ABCA9: variants seen among roughly 807,000 people sequenced by gnomAD.
ABCA9 encodes ATP binding cassette subfamily A member 9, also known as ATP-binding cassette sub-family A member 9.
In ABCA9, 183 loss-of-function variants were observed where a neutral mutation model predicts 205.3. That is an observed-to-expected ratio of 0.89 (90% CI 0.79 to 1.01). The LOEUF is 1.01. Ranked by LOEUF, ABCA9 falls within the 50% of genes least tolerant of loss-of-function variation. The pLI is 0.00. For missense variants in ABCA9, 1,805 were observed against 1,912.4 expected (o/e 0.94, Z 1.05); for synonymous variants, 651 against 683.3 (o/e 0.95, Z 0.74).
intron 26 of ABCA9, among the ~76,000 whole-genome samples, chr17:68,994,964 TCTC>T (rs2069568928): frequency 6.6e-6 from 1 of 152,154 alleles, no homozygotes; most frequent in Admixed American, 6.5e-5. Flanking sequence ...TTTTGCCACA[TCTC>T]CTAGAAATAT....
At position 69,026,995 on chromosome 17, in the gene ABCA9, A is replaced by G. The variant is rs553362939; in HGVS notation, c.2031T>C (p.Asp677=). The G allele has an allele frequency of 5.6e-6, 9 of 1,614,074 alleles. No homozygotes were observed. The highest frequency in any genetic ancestry group is 2.2e-5 in the South Asian group (2 of 91,064). ...RVILFSTQFI[D]EADILADRKV... ...AATTACCCGCCAGAATGTCAGCCTC[A>G]TCTATAAACTGGGTGCTGAAGAGAA... Residue 677 remains aspartate, a synonymous_variant, in exon 15 of 39, where the codon GAT becomes GAC. Coordinates refer to ENST00000340001, the MANE Select transcript of ABCA9 (RefSeq NM_080283.4).
rs2068872707 is a variant in ABCA9, at chr17:68,975,594, A to G, written c.*321T>C. 1.1e-5 allele frequency: 2 copies of G among 187,680 alleles called. No homozygotes were observed. Among genetic ancestry groups the G allele is most frequent in the African/African-American group, 4.7e-5 (2 of 42,736 alleles). The allele number at this position is 187,680 out of a possible 1,614,324, so 11.6% of individuals were successfully genotyped here. ...ATATTTAATATTTTGAAGTTCAGAGAAAGAAAATTAAGCATTCTCCATGAC... is the reference window on the plus strand; with the variant it reads ...ATATTTAATATTTTGAAGTTCAGAGGAAGAAAATTAAGCATTCTCCATGAC... On this transcript the variant is annotated 3_prime_UTR_variant, in exon 39 of 39. Coordinates refer to ENST00000340001, the MANE Select transcript of ABCA9 (RefSeq NM_080283.4).
intron 9 of ABCA9, 103 bp downstream of exon 9, chr17:69,033,623 T>G (rs1468111525): frequency 2.0e-6 from 2 of 1,023,602 alleles, no homozygotes; most frequent in Non-Finnish European, 2.8e-6. Flanking sequence ...TTGTAGAAAT[T>G]TTGAAAAACT....
chr17:69,038,328 G>A (rs1443307890), intron 6 of ABCA9, among the ~76,000 whole-genome samples: 1 of 152,130 alleles, frequency 6.6e-6, no homozygotes, highest in East Asian at 1.9e-4. Context: ...ATAAAATACT[G>A]GCAAACGGAA....
chr17:69,033,274 TCCA>T (rs1291030928), intron 9 of ABCA9: 1 of 114,944 alleles, frequency 8.7e-6, no homozygotes, highest in Non-Finnish European at 1.6e-5. Flanking sequence ...GCCACTGCAC[TCCA>T]GCATGGGTGA....
chr17:69,026,867 G>T, intron 15 of ABCA9, 109 bp downstream of exon 15: 1 of 1,363,354 alleles, frequency 7.3e-7, no homozygotes, highest in Non-Finnish European at 1.0e-6. Context: ...AAATTCTCCT[G>T]TCTTGGGCCA....
chr17:69,027,040 C>T lies in ABCA9; in HGVS notation c.1986G>A (p.Glu662=). Residue 662 remains glutamate, a synonymous_variant, in exon 15 of 39, where the codon GAG becomes GAA. Transcript: ENST00000340001. ...SRHRIWNLLK[E]GKSDRVILFS... The stretch of plus-strand genomic sequence containing the variant: ...AGAGAATTACTCTGTCTGATTTCCC[C>T]TCTTTCAGGAGATTCCATATTCGGT... 6.2e-7 allele frequency: 1 copy of T among 1,614,170 alleles called. No homozygotes were observed. The highest frequency in any genetic ancestry group is 1.1e-5 in the South Asian group (1 of 91,088).
intron 26 of ABCA9, among the ~76,000 whole-genome samples, chr17:68,994,896 A>G (rs2069567289): frequency 6.6e-6 from 1 of 152,102 alleles, no homozygotes; most frequent in Non-Finnish European, 1.5e-5. Flanking sequence ...TTTCCTTCTT[A>G]GCACAGACAA....
In ABCA9 at chr17:69,021,262, C is replaced by T. The variant is rs2070798611; in HGVS notation, c.2401+480G>A. 2.0e-5 allele frequency among the ~76,000 whole-genome samples: 3 copies of T among 151,728 alleles called. No homozygotes were observed. In the South Asian group the frequency reaches 6.2e-4, roughly 32 times the overall value. On this transcript the variant is annotated intron_variant, in intron 18 of 38. Transcript: ENST00000340001. The stretch of plus-strand genomic sequence containing the variant: ...AAAGAGCACAGTAAAGAGTAAACAC[C>T]ATAAGATGATAGTGAACCAGTAAAA...
intron 25 of ABCA9, among the ~76,000 whole-genome samples, chr17:69,003,916 C>T (rs1208318567): frequency 6.6e-6 from 1 of 152,156 alleles, no homozygotes; most frequent in East Asian, 1.9e-4. Flanking sequence ...ACGTGGGCTC[C>T]TGAGGCTTCT....
chr17:69,010,144 G>T (rs2070318347), intron 23 of ABCA9, among the ~76,000 whole-genome samples: 1 of 147,494 alleles, frequency 6.8e-6, no homozygotes, highest in African/African-American at 2.5e-5. Flanking sequence ...TGCTGATGAT[G>T]TTTATTCCTA....
chr17:68,988,951 A>G lies in ABCA9; in HGVS notation c.4047+76T>C, dbSNP rs1199987027. 5.7e-6 allele frequency: 5 copies of G among 880,478 alleles called. No homozygotes were observed. In the East Asian group the frequency reaches 1.2e-4, roughly 21 times the overall value. The allele number at this position is 880,478 out of a possible 1,614,324, so 54.5% of individuals were successfully genotyped here. A position where few individuals can be genotyped will look rare whatever the true frequency, so the allele number is the denominator to read the frequency against. ...AATCACACTAAGTGATTATGGATCA[A>G]CTACATAGTCTATTATTGCCATCAA... On this transcript the variant is annotated intron_variant, in intron 31 of 38. Coordinates refer to ENST00000340001, the MANE Select transcript of ABCA9 (RefSeq NM_080283.4).
chr17:68,999,973 T>C (rs2069787147), intron 25 of ABCA9, among the ~76,000 whole-genome samples: 1 of 152,206 alleles, frequency 6.6e-6, no homozygotes, highest in African/African-American at 2.4e-5. Flanking sequence ...TTGATGGGGT[T>C]GTTTGTTTTT....
chr17:69,076,899 CT>C, the ABCA9 span, among the ~76,000 whole-genome samples: 1 of 151,730 alleles, frequency 6.6e-6, no homozygotes. Flanking sequence ...GATTTTCTCT[CT>C]TTTTTTTCTT....
intron 25 of ABCA9, among the ~76,000 whole-genome samples, chr17:69,002,466 G>T (rs1456476685): frequency 9.5e-4 from 116 of 121,974 alleles, no homozygotes; most frequent in Middle Eastern, 4.1e-3. Context: ...TAGTTTGATT[G>T]CACTGTGGTC....
chr17:68,995,691 T>C (rs1209319950), intron 26 of ABCA9, among the ~76,000 whole-genome samples: 1 of 81,084 alleles, frequency 1.2e-5, no homozygotes, highest in African/African-American at 5.3e-5. Flanking sequence ...TGGAGTTGCC[T>C]TTGACTTGTC....
At chr17:68,997,440 T>G (rs1334096620) in intron 25 of ABCA9, among the ~76,000 whole-genome samples, 2 of 152,106 alleles carry the variant, frequency 1.3e-5, no homozygotes, top group Non-Finnish European at 2.9e-5. Context: ...CAAAGTTATT[T>G]GATCTTCCTA....
In ABCA9 at chr17:68,989,875, T is replaced by C. The variant is rs141319091; in HGVS notation, c.3893A>G (p.Asn1298Ser). 5.3e-5 allele frequency: 86 copies of C among 1,613,572 alleles called. No individual in the cohort carries two copies. In the African/African-American group the frequency reaches 1.1e-3, roughly 21 times the overall value. Residue 1298 changes from asparagine (N) to serine (S), a missense_variant, in exon 30 of 39, where the codon AAT becomes AGT. Asn to Ser is a conservative substitution (Grantham distance 46). Coordinates refer to ENST00000340001, the MANE Select transcript of ABCA9 (RefSeq NM_080283.4). Reference protein sequence around the residue: ...LRKEYAGKKKNCFSKRKKKIA... With the variant: ...LRKEYAGKKKSCFSKRKKKIA... ...TTTTTTCTTCCTTTTAGAAAAGCAATTTTTCTTTTTGCCTGCATATTCCTT... is the reference window on the plus strand; with the variant it reads ...TTTTTTCTTCCTTTTAGAAAAGCAACTTTTCTTTTTGCCTGCATATTCCTT...
rs1380882465 is a variant in ABCA9 at position 68,975,867 on chromosome 17, C to A, written c.*48G>T. 7.1e-7 allele frequency: 1 copy of A among 1,407,834 alleles called. No homozygotes were observed. The highest frequency in any genetic ancestry group is 1.9e-5 in the Admixed American group (1 of 52,824). 87.2% of individuals were successfully genotyped at this position (1,407,834 alleles called of 1,614,324 possible). A position where few individuals can be genotyped will look rare whatever the true frequency, so the allele number is the denominator to read the frequency against. ...GCATATTAAGGCTATAAAATATTATCTTTAAAAGAGTCACAGGATTAAAGA... is the reference window on the plus strand; with the variant it reads ...GCATATTAAGGCTATAAAATATTATATTTAAAAGAGTCACAGGATTAAAGA... On this transcript the variant is annotated 3_prime_UTR_variant, in exon 39 of 39. Coordinates refer to ENST00000340001, the MANE Select transcript of ABCA9 (RefSeq NM_080283.4).
Sources: allele counts gnomAD v4.1 joint callset (sites outside exome capture counted in the v4.1 genomes callset), GRCh38; gene constraint gnomAD v4.1.1; transcripts MANE v1.5; gene names NCBI Gene and HGNC (gene_info 2026-07-23, HGNC 2026-07-21).